Variants in ARHGAP15 observed in about 807,000 individuals in gnomAD.
The protein encoded by ARHGAP15 is rho GTPase-activating protein 15.
A neutral mutation model predicts 63.7 loss-of-function variants in ARHGAP15; 51 were observed. The observed-to-expected ratio is 0.80, with a 90% confidence interval of 0.64 to 1.01. The LOEUF (loss-of-function observed/expected upper bound fraction) is 1.01. Among genes scored for constraint, ARHGAP15 ranks in the 50% least tolerant of loss-of-function variants. The probability of loss-of-function intolerance (pLI) is 0.00; values close to 1 mark genes in which losing one functional copy is unlikely to be tolerated. For synonymous variants in ARHGAP15, 191 were observed against 193.8 expected (o/e 0.99, Z 0.12); for missense variants, 560 against 564.6 (o/e 0.99, Z 0.08).
chr2:143,298,316 A>G (rs1275425019), intron 6 of ARHGAP15, among the ~76,000 whole-genome samples: 2 of 151,984 alleles, frequency 1.3e-5, no homozygotes, highest in Admixed American at 6.6e-5. Flanking sequence ...AATTGATGTA[A>G]TCCCTAGTTA....
intron 2 of ARHGAP15, among the ~76,000 whole-genome samples, chr2:143,181,584 T>C (rs574159671): frequency 4.3e-4 from 65 of 152,366 alleles, no homozygotes; most frequent in African/African-American, 1.5e-3. Flanking sequence ...ATGACATCTG[T>C]CCTTAAACCT....
intron 1 of ARHGAP15, among the ~76,000 whole-genome samples, chr2:143,134,074 T>C (rs1400878440): frequency 6.6e-6 from 1 of 152,236 alleles, no homozygotes; most frequent in Non-Finnish European, 1.5e-5. Flanking sequence ...TCTAATTCAA[T>C]GAATGTCCAT....
chr2:143,668,125 C>T (rs925309977), intron 12 of ARHGAP15, among the ~76,000 whole-genome samples: 1 of 151,728 alleles, frequency 6.6e-6, no homozygotes, highest in East Asian at 1.9e-4. Flanking sequence ...AACTAGGTAA[C>T]ACTGTTCGCA....
intron 6 of ARHGAP15, among the ~76,000 whole-genome samples, chr2:143,399,496 G>C (rs183478871): frequency 2.0e-5 from 3 of 151,884 alleles, no homozygotes; most frequent in African/African-American, 4.8e-5. Flanking sequence ...TAATAATAAC[G>C]ATAATGATAA....
chr2:143,571,865 T>C (rs776182656), intron 11 of ARHGAP15: 9 of 152,188 alleles, frequency 5.9e-5, no homozygotes, highest in Admixed American at 1.3e-4. Flanking sequence ...TGTATGCGTA[T>C]TATTATTTGA....
intron 8 of ARHGAP15, among the ~76,000 whole-genome samples, chr2:143,473,069 A>C (rs1221274773): frequency 6.6e-6 from 1 of 152,064 alleles, no homozygotes; most frequent in Non-Finnish European, 1.5e-5. Flanking sequence ...GACCCACCTC[A>C]CCCCACCTTC....
At chr2:143,303,949 AAAC>A (rs879630953) in intron 6 of ARHGAP15, among the ~76,000 whole-genome samples, 15 of 152,148 alleles carry the variant, frequency 9.9e-5, no homozygotes, top group Non-Finnish European at 2.1e-4. Flanking sequence ...AAAAGTCAGG[AAAC>A]AACAGGTGCT....
intron 5 of ARHGAP15, among the ~76,000 whole-genome samples, chr2:143,230,243 G>A (rs1431985234): frequency 6.6e-6 from 1 of 152,256 alleles, no homozygotes; most frequent in African/African-American, 2.4e-5. Context: ...GAGTTTATGC[G>A]AATGTGTGGG....
At position 143,167,272 on chromosome 2, in the gene ARHGAP15, C is replaced by G. The variant is rs114813651; in HGVS notation, c.165+11617C>G. Among the ~76,000 whole-genome samples the G allele has an allele frequency of 5.9e-3, 897 of 152,144 alleles. 10 individuals carry two copies. The highest frequency in any genetic ancestry group is 0.019 in the African/African-American group (808 of 41,524). ...AGCAGTTTTTATCATTAGTGTTATT[C>G]TTATCTATTCTTTATTCTTATCATG... On this transcript the variant is annotated intron_variant, in intron 2 of 13. Transcript: ENST00000295095.
At chr2:143,722,869 G>C (rs1034571238) in intron 13 of ARHGAP15, among the ~76,000 whole-genome samples, 1 of 152,140 alleles carries the variant, frequency 6.6e-6, no homozygotes, top group Non-Finnish European at 1.5e-5. Context: ...GGTGGGGCTG[G>C]CAGAAACTTT....
At chr2:143,628,835 ACAT>A (rs140182863) in intron 12 of ARHGAP15, among the ~76,000 whole-genome samples, 74 of 152,302 alleles carry the variant, frequency 4.9e-4, no homozygotes, top group Admixed American at 3.9e-3. Context: ...CACAAGTAAA[ACAT>A]CATGTCAGTT....
chr2:143,325,453 TTAAGTATATTGTTTG>T, intron 6 of ARHGAP15, among the ~76,000 whole-genome samples: 1 of 152,296 alleles, frequency 6.6e-6, no homozygotes, highest in Non-Finnish European at 1.5e-5. Context: ...TGGAAAATGA[TTAAGTATATTGTTTG>T]TCAGATTTCT....
intron 10 of ARHGAP15, among the ~76,000 whole-genome samples, chr2:143,520,107 T>G (rs892464923): frequency 7.9e-5 from 12 of 152,192 alleles, no homozygotes; most frequent in Admixed American, 3.3e-4. Context: ...CATCACCATC[T>G]GTTACAAGTT....
At chr2:143,186,873 C>T (rs952829934) in intron 2 of ARHGAP15, among the ~76,000 whole-genome samples, 1 of 152,192 alleles carries the variant, frequency 6.6e-6, no homozygotes, top group Non-Finnish European at 1.5e-5. Context: ...CCAAGGGGAA[C>T]ATTAGTGAGA....
chr2:143,206,967 A>G (rs1869010), intron 3 of ARHGAP15, among the ~76,000 whole-genome samples: 25,753 of 151,638 alleles, frequency 0.17, 2,368 homozygotes, highest in Middle Eastern at 0.24. Context: ...ATATGCACAT[A>G]TATTTTAACA....
At chr2:143,435,110 A>G (rs1157778997) in intron 6 of ARHGAP15, among the ~76,000 whole-genome samples, 2 of 152,272 alleles carry the variant, frequency 1.3e-5, no homozygotes, top group African/African-American at 2.4e-5. Context: ...ATTCATTTCA[A>G]TGAACTTTTG....
intron 13 of ARHGAP15, among the ~76,000 whole-genome samples, chr2:143,756,489 C>A (rs1255165197): frequency 6.6e-6 from 1 of 152,110 alleles, no homozygotes; most frequent in Non-Finnish European, 1.5e-5. Context: ...CCTTTCTCCC[C>A]TAAATGCAGA....
chr2:143,675,409 A>T (rs919150252), intron 12 of ARHGAP15, among the ~76,000 whole-genome samples: 2 of 152,154 alleles, frequency 1.3e-5, no homozygotes, highest in African/African-American at 4.8e-5. Context: ...GGCATCTAGG[A>T]TGGTAAATCC....
chr2:143,271,722 C>T lies in ARHGAP15; in HGVS notation c.474+21122C>T, dbSNP rs191912623. Among the ~76,000 whole-genome samples, 230 of 152,276 alleles carry T rather than the reference C, an allele frequency of 1.5e-3. 1 individual carries two copies. Among genetic ancestry groups the T allele is most frequent in the African/African-American group, 5.5e-3 (227 of 41,556 alleles). ...CGCGCTCCTGACCTCGTGATCCGCC[C>T]GCCTTGGCCTCCCAAAGCGCTGGGA... On this transcript the variant is annotated intron_variant, in intron 6 of 13. Coordinates refer to ENST00000295095, the MANE Select transcript of ARHGAP15 (RefSeq NM_018460.4).
Sources: allele counts gnomAD v4.1 joint callset (sites outside exome capture counted in the v4.1 genomes callset), GRCh38; gene constraint gnomAD v4.1.1; transcripts MANE v1.5; gene names NCBI Gene and HGNC (gene_info 2026-07-23, HGNC 2026-07-21).